Variants in TMEM178B observed in about 807,000 individuals in gnomAD.
The protein encoded by TMEM178B is transmembrane protein 178B.
A neutral mutation model predicts 31.0 loss-of-function variants in TMEM178B; 5 were observed. The observed-to-expected ratio is 0.16, with a 90% CI of 0.08 to 0.34. The LOEUF (loss-of-function observed/expected upper bound fraction) is 0.34, where lower values mean the gene tolerates loss of function less well. Among genes scored for constraint, TMEM178B ranks in the 10% least tolerant of loss-of-function variants. The pLI is 1.00. For synonymous variants in TMEM178B, 164 were observed against 164.0 expected, an observed-to-expected ratio of 1.00 and a Z score of 0.00; for missense variants, 275 against 400.3, an observed-to-expected ratio of 0.69 and a Z score of 2.67.
chr7:141,134,753 TAA>T (rs1477021500), intron 1 of TMEM178B, among the ~76,000 whole-genome samples: 1 of 152,222 alleles, frequency 6.6e-6, no homozygotes, highest in Non-Finnish European at 1.5e-5. Context: ...AAAAATGACA[TAA>T]GTTTATGCTT....
intron 2 of TMEM178B, among the ~76,000 whole-genome samples, chr7:141,269,272 G>A (rs1247444932): frequency 6.6e-6 from 1 of 151,806 alleles, no homozygotes; most frequent in Non-Finnish European, 1.5e-5. Context: ...TGTATTTTTA[G>A]TAGAGATGGG....
At chr7:141,312,135 C>A (rs1798921262) in intron 2 of TMEM178B, among the ~76,000 whole-genome samples, 1 of 152,238 alleles carries the variant, frequency 6.6e-6, no homozygotes, top group Admixed American at 6.5e-5. Flanking sequence ...GTGGACTCCA[C>A]TCCTTAATTT....
intron 2 of TMEM178B, among the ~76,000 whole-genome samples, chr7:141,362,031 T>C (rs1177723247): frequency 1.3e-5 from 2 of 152,250 alleles, no homozygotes; most frequent in African/African-American, 4.8e-5. Flanking sequence ...AAAACATCTT[T>C]AGTGCGTGGC....
chr7:141,379,295 C>T (rs994506719), intron 2 of TMEM178B, among the ~76,000 whole-genome samples: 4 of 143,798 alleles, frequency 2.8e-5, no homozygotes, highest in Non-Finnish European at 4.5e-5. Flanking sequence ...AGTGAGACCC[C>T]TGTTTTTCTA....
Position 141,470,736 on chromosome 7 carries a change from C to A in TMEM178B, c.835C>A (p.Pro279Thr), listed in dbSNP as rs1350638489. ...CTLAPSVQPV[P>T]RTNYPKSRPE... ...CTTAGCCCCTTCTGTTCAACCTGTC[C>A]CGAGGACCAACTACCCTAAATCCAG... The change falls in exon 4 of 4, where the codon CCG (proline) becomes ACG (threonine). Residue 279 changes from proline to threonine, a missense_variant. Pro to Thr is a conservative substitution (Grantham distance 38). Coordinates refer to ENST00000565468, the MANE Select transcript of TMEM178B (RefSeq NM_001195278.2). The A allele has an allele frequency of 2.6e-6, 4 of 1,532,780 alleles. No individual in the cohort carries two copies. In the African/African-American group the frequency reaches 5.5e-5, roughly 21 times the overall value. The allele number at this position is 1,532,780 out of a possible 1,614,324, so 94.9% of individuals were successfully genotyped here.
chr7:141,246,014 G>A (rs912350105), intron 2 of TMEM178B, among the ~76,000 whole-genome samples: 8 of 151,818 alleles, frequency 5.3e-5, no homozygotes, highest in Admixed American at 3.9e-4. Flanking sequence ...TTTTTTTCCT[G>A]AATTCCAACC....
At chr7:141,114,171 C>T (rs752796796) in intron 1 of TMEM178B, among the ~76,000 whole-genome samples, 3 of 152,246 alleles carry the variant, frequency 2.0e-5, no homozygotes, top group East Asian at 1.9e-4. Flanking sequence ...AGCATAGCAT[C>T]GTACTGGTTG....
At chr7:141,247,329 G>T (rs1036353725) in intron 2 of TMEM178B, among the ~76,000 whole-genome samples, 11 of 151,728 alleles carry the variant, frequency 7.2e-5, no homozygotes, top group African/African-American at 2.7e-4. Flanking sequence ...TCTCTCTGTA[G>T]GTCTCTCTGT....
intron 3 of TMEM178B, among the ~76,000 whole-genome samples, chr7:141,454,832 G>A (rs1310902622): frequency 6.6e-6 from 1 of 152,132 alleles, no homozygotes; most frequent in African/African-American, 2.4e-5. Flanking sequence ...CCTCCTTTCT[G>A]TGGTTCTTTT....
intron 2 of TMEM178B, chr7:141,297,074 T>C (rs1215892605): frequency 2.0e-5 from 3 of 152,222 alleles, no homozygotes; most frequent in Non-Finnish European, 4.4e-5. Context: ...ATAACCACCA[T>C]TGTTATTATT....
rs947372850 is a variant in TMEM178B, at chr7:141,466,017, G to T, written c.635-4519G>T. On this transcript the variant is annotated intron_variant, in intron 3 of 3. Coordinates refer to ENST00000565468, the MANE Select transcript of TMEM178B (RefSeq NM_001195278.2). ...TAGTCTGGGCAAGAGAAGAGAACCT[G>T]TCTCAAAAAATGTGTATATTAAAAA... 5.3e-5 allele frequency among the ~76,000 whole-genome samples: 8 copies of T among 152,244 alleles called. No individual in the cohort carries two copies. The East Asian group carries it at 1.5e-3, about 29-fold the overall frequency.
intron 2 of TMEM178B, among the ~76,000 whole-genome samples, chr7:141,334,949 G>A (rs1293677769): frequency 6.6e-6 from 1 of 152,224 alleles, no homozygotes; most frequent in Non-Finnish European, 1.5e-5. Flanking sequence ...CAGGTCCTAG[G>A]AGAAGTGGGG....
At chr7:141,197,149 G>T (rs1563114555) in intron 1 of TMEM178B, among the ~76,000 whole-genome samples, 1 of 152,210 alleles carries the variant, frequency 6.6e-6, no homozygotes, top group Non-Finnish European at 1.5e-5. Flanking sequence ...AACAATTATG[G>T]ATTGCTTATG....
the TMEM178B span, among the ~76,000 whole-genome samples, chr7:141,509,740 C>A: frequency 3.3e-5 from 5 of 152,136 alleles, no homozygotes; most frequent in African/African-American, 1.2e-4. Flanking sequence ...AACCCAGCTC[C>A]CCTGTGACCC....
chr7:141,200,314 A>AT (rs1796855070), intron 1 of TMEM178B, among the ~76,000 whole-genome samples: 1 of 149,342 alleles, frequency 6.7e-6, no homozygotes, highest in African/African-American at 2.5e-5. Flanking sequence ...TGCAACGGTG[A>AT]TTTTTCTAGT....
At chr7:141,076,687 A>G (rs1050917309) in intron 1 of TMEM178B, among the ~76,000 whole-genome samples, 1 of 152,200 alleles carries the variant, frequency 6.6e-6, no homozygotes, top group Non-Finnish European at 1.5e-5. Flanking sequence ...AATGTACAAC[A>G]TTTTGATTTT....
intron 2 of TMEM178B, among the ~76,000 whole-genome samples, chr7:141,408,022 T>C (rs1319290656): frequency 1.3e-5 from 2 of 152,172 alleles, no homozygotes; most frequent in East Asian, 1.9e-4. Flanking sequence ...CCAGAGACTT[T>C]ACACACATCG....
At chr7:141,289,135 C>T (rs1798500669) in intron 2 of TMEM178B, among the ~76,000 whole-genome samples, 1 of 152,174 alleles carries the variant, frequency 6.6e-6, no homozygotes, top group African/African-American at 2.4e-5. Context: ...TGAAGTCCAG[C>T]ATCATTTGCC....
At chr7:141,134,276 C>T (rs1463298545) in intron 1 of TMEM178B, among the ~76,000 whole-genome samples, 1 of 151,808 alleles carries the variant, frequency 6.6e-6, no homozygotes, top group African/African-American at 2.4e-5. Flanking sequence ...ACACAAAAAC[C>T]CAACACAACA....
Sources: allele counts gnomAD v4.1 joint callset (sites outside exome capture counted in the v4.1 genomes callset), GRCh38; gene constraint gnomAD v4.1.1; transcripts MANE v1.5; gene names NCBI Gene and HGNC (gene_info 2026-07-23, HGNC 2026-07-21).